The following PNKD variants were observed in gnomAD, a reference collection of about 807,000 sequenced individuals.
PNKD encodes PNKD metallo-beta-lactamase domain containing, also known as probable thioesterase PNKD.
PNKD carries 36 observed loss-of-function variants against 45.3 expected under a neutral mutation model. The ratio of observed to expected loss-of-function variants is 0.80; its 90% CI spans 0.61 to 1.05. The LOEUF (loss-of-function observed/expected upper bound fraction) is 1.05, where lower values mean the gene tolerates loss of function less well. PNKD is among the 50% of genes least tolerant of loss of function. The pLI is 0.00. For synonymous variants in PNKD, 197 were observed against 210.1 expected (o/e 0.94, Z 0.54); for missense variants, 511 against 506.6 (o/e 1.01, Z -0.08).
chr2:218,307,028 C>T (rs1302377205), intron 2 of PNKD, among the ~76,000 whole-genome samples: 1 of 152,146 alleles, frequency 6.6e-6, no homozygotes, highest in African/African-American at 2.4e-5. Context: ...AAAACAATGA[C>T]ATTCGTTTAC....
intron 2 of PNKD, among the ~76,000 whole-genome samples, chr2:218,304,166 T>C (rs377406582): frequency 7.2e-4 from 109 of 152,180 alleles, no homozygotes; most frequent in African/African-American, 2.4e-3. Context: ...TTGTTTTTTG[T>C]TTTTGAGACA....
intron 2 of PNKD, among the ~76,000 whole-genome samples, chr2:218,311,233 G>A (rs2106260930): frequency 6.6e-6 from 1 of 152,262 alleles, no homozygotes; most frequent in African/African-American, 2.4e-5. Context: ...GTACCTCAGG[G>A]TTCCTATCTG....
intron 2 of PNKD, among the ~76,000 whole-genome samples, chr2:218,307,694 G>T (rs1693459178): frequency 6.6e-6 from 1 of 152,138 alleles, no homozygotes; most frequent in East Asian, 1.9e-4. Context: ...CTACCGTGGG[G>T]CATCCAAGGG....
At chr2:218,305,038 A>G (rs980053921) in intron 2 of PNKD, among the ~76,000 whole-genome samples, 2 of 151,648 alleles carry the variant, frequency 1.3e-5, no homozygotes, top group Admixed American at 1.3e-4. Flanking sequence ...GCGCCACTGC[A>G]CTCCAGCCTG....
At chr2:218,272,143 C>A (rs1690861673) in intron 2 of PNKD, among the ~76,000 whole-genome samples, 1 of 149,288 alleles carries the variant, frequency 6.7e-6, no homozygotes, top group African/African-American at 2.4e-5. Flanking sequence ...CAAAGTGCCT[C>A]CCAAGCAGTG....
intron 5 of PNKD, 99 bp from the exon 6 acceptor site, chr2:218,341,435 C>A: frequency 1.3e-6 from 1 of 755,586 alleles, no homozygotes; most frequent in Non-Finnish European, 2.2e-6. Flanking sequence ...CCAGAAGCCA[C>A]AGCCCCAGCA....
chr2:218,341,606 C>T lies in PNKD; in HGVS notation c.597C>T (p.Asp199=), dbSNP rs139122042. 2.6e-5 allele frequency: 41 copies of T among 1,584,448 alleles called. No individual in the cohort carries two copies. In the Middle Eastern group the frequency reaches 8.3e-4, roughly 32 times the overall value. ...RDCRVYGSPQ[D]GIPYLTHPLC... ...GTCGGGTGTACGGGAGCCCTCAGGA[C>T]GGCATCCCCTACCTCACCCAGTAAG... is the stretch of plus-strand genomic sequence containing the variant. Residue 199 remains aspartate, a synonymous_variant, in exon 6 of 10, where the codon GAC becomes GAT. Coordinates refer to ENST00000273077, the MANE Select transcript of PNKD (RefSeq NM_015488.5).
chr2:218,320,149 G>T (rs4552182), intron 2 of PNKD, among the ~76,000 whole-genome samples: 90,058 of 152,098 alleles, frequency 0.59, 27,080 homozygotes, highest in South Asian at 0.68. Context: ...TTGTGAGTAT[G>T]TAATATGTAC....
chr2:218,288,855 A>G (rs921435956), intron 2 of PNKD, among the ~76,000 whole-genome samples: 1 of 152,202 alleles, frequency 6.6e-6, no homozygotes, highest in South Asian at 2.1e-4. Context: ...CCCATTTTGG[A>G]TAAGAGACAC....
chr2:218,321,529 G>A (rs1042072265), intron 2 of PNKD, among the ~76,000 whole-genome samples: 1 of 151,632 alleles, frequency 6.6e-6, no homozygotes, highest in Admixed American at 6.6e-5. Flanking sequence ...CCAGATTCAG[G>A]TATTGGAATT....
intron 2 of PNKD, among the ~76,000 whole-genome samples, chr2:218,330,508 C>G (rs1694288401): frequency 6.6e-6 from 1 of 152,176 alleles, no homozygotes; most frequent in Admixed American, 6.5e-5. Context: ...GCACTTTGAC[C>G]CTACACTGGA....
At chr2:218,275,387 G>A in intron 2 of PNKD, 2 of 1,491,486 alleles carry the variant, frequency 1.3e-6, no homozygotes, top group Non-Finnish European at 1.8e-6. Flanking sequence ...GAAGGAAAGG[G>A]GCCTAAAGCC....
In PNKD at chr2:218,271,454, A is replaced by G; in HGVS notation, c.141A>G (p.Pro47=). The change falls in exon 2 of 10, where the codon CCA becomes CCG. Residue 47 remains proline (P), a synonymous_variant. Coordinates refer to ENST00000273077, the MANE Select transcript of PNKD (RefSeq NM_015488.5). ...RTRALQSHSS[P]EGKEEPEPLS... ...GGGCCCTGCAAAGCCACAGCTCCCCAGAGGGCAAGGAGGAACCTGAACCCC... is the reference window on the plus strand; with the variant it reads ...GGGCCCTGCAAAGCCACAGCTCCCCGGAGGGCAAGGAGGAACCTGAACCCC... 6.2e-7 allele frequency: 1 copy of G among 1,614,138 alleles called. No individual in the cohort carries two copies. Among genetic ancestry groups the G allele is most frequent in the South Asian group, 1.1e-5 (1 of 91,086 alleles).
intron 2 of PNKD, among the ~76,000 whole-genome samples, chr2:218,292,139 G>A (rs1315437248): frequency 3.9e-5 from 6 of 152,220 alleles, no homozygotes; most frequent in African/African-American, 1.4e-4. Flanking sequence ...CCCTGCGACA[G>A]AGAGGCCACT....
At chr2:218,279,133 G>C in intron 2 of PNKD, 2 of 1,612,820 alleles carry the variant, frequency 1.2e-6, no homozygotes, top group Non-Finnish European at 1.7e-6. Flanking sequence ...CCTGAGGCTT[G>C]TCTGCCCCAC....
rs901750711 is a variant in PNKD at position 218,340,279 on chromosome 2, C to T, written c.465+138C>T. ...TGCTCCATGTTCACACGTGCACATG[C>T]GCACACATAGCCTGGGGAAGGGGGG... is the stretch of plus-strand genomic sequence containing the variant. On this transcript the variant is annotated intron_variant, in intron 4 of 9. Coordinates refer to ENST00000273077, the MANE Select transcript of PNKD (RefSeq NM_015488.5). This position sits in a 1 kb window ranked among gnomAD's most constrained non-coding sequence, Gnocchi z 4.2. 53 of 666,002 alleles carry T rather than the reference C, an allele frequency of 8.0e-5. No homozygotes were observed. Among genetic ancestry groups the T allele is most frequent in the Admixed American group, 1.5e-4 (7 of 46,528 alleles). 41.3% of individuals were successfully genotyped at this position (666,002 alleles called of 1,614,324 possible). A position where few individuals can be genotyped will look rare whatever the true frequency, so the allele number is the denominator to read the frequency against.
At chr2:218,289,642 A>AAAC (rs1220623028) in intron 2 of PNKD, among the ~76,000 whole-genome samples, 2 of 151,328 alleles carry the variant, frequency 1.3e-5, no homozygotes, top group Non-Finnish European at 1.5e-5. Context: ...AAAAAAAAAA[A>AAAC]AAAACTGAAA....
At chr2:218,282,003 A>T (rs770461372) in intron 2 of PNKD, 2 of 1,607,800 alleles carry the variant, frequency 1.2e-6, no homozygotes, top group Non-Finnish European at 1.7e-6. Context: ...GGGTGACCGT[A>T]GCCAGGCTGC....
rs1691087796 is a variant in PNKD, at chr2:218,275,395, G to T, written c.236+3846G>T. Reference sequence around the variant, plus strand: ...TCAAGGGGAAGGAAAGGGGCCTAAAGCCCAGACCACAGTCATAGGGCCCAG... The same window carrying T: ...TCAAGGGGAAGGAAAGGGGCCTAAATCCCAGACCACAGTCATAGGGCCCAG... On this transcript the variant is annotated intron_variant, in intron 2 of 9. Transcript: ENST00000273077. 8.5e-6 allele frequency: 13 copies of T among 1,521,426 alleles called. No individual in the cohort carries two copies. In the South Asian group the frequency reaches 1.7e-4, roughly 20 times the overall value. The allele number at this position is 1,521,426 out of a possible 1,614,324, so 94.2% of individuals were successfully genotyped here.
Sources: allele counts gnomAD v4.1 joint callset (sites outside exome capture counted in the v4.1 genomes callset), GRCh38; gene constraint gnomAD v4.1.1; non-coding constraint Gnocchi (gnomAD v3.1); transcripts MANE v1.5; gene names NCBI Gene and HGNC (gene_info 2026-07-23, HGNC 2026-07-21).